SARS1: variants seen among roughly 807,000 people sequenced by gnomAD.
SARS1 encodes the protein seryl-tRNA synthetase 1, also known as serine--tRNA ligase, cytoplasmic.
SARS1 carries 25 observed loss-of-function variants against 63.7 expected under a neutral mutation model. The ratio of observed to expected loss-of-function variants is 0.39; its 90% CI spans 0.29 to 0.55. SARS1 has a LOEUF of 0.55. Among genes scored for constraint, SARS1 ranks in the 20% least tolerant of loss-of-function variants. SARS1 has a pLI of 0.62. For synonymous variants in SARS1, 231 were observed against 243.5 expected, an observed-to-expected ratio of 0.95 and a Z score of 0.48; for missense variants, 417 against 649.7, an observed-to-expected ratio of 0.64 and a Z score of 3.89.
chr1:109,219,289 A>ATATATATATATATATATATT (rs71069665), intron 1 of SARS1, among the ~76,000 whole-genome samples: 1 of 122,518 alleles, frequency 8.2e-6, no homozygotes, highest in Non-Finnish European at 1.7e-5. Flanking sequence ...ATATATATAT[A>ATATATATATATATATATATT]GTGTACATAT....
chr1:109,231,093 T>C, intron 5 of SARS1, 72 bp downstream of exon 5: 9 of 980,246 alleles, frequency 9.2e-6, no homozygotes, highest in South Asian at 5.2e-5. Flanking sequence ...ATTTTTTTTT[T>C]TTTTTGTAGA....
At chr1:109,234,925 C>T (rs1655278817) in intron 6 of SARS1, among the ~76,000 whole-genome samples, 1 of 152,176 alleles carries the variant, frequency 6.6e-6, no homozygotes, top group South Asian at 2.1e-4. Flanking sequence ...GAGATTGTGC[C>T]ACTGCACTCC....
At chr1:109,230,735 G>T in intron 4 of SARS1, 143 bp from the exon 5 acceptor site, 1 of 577,728 alleles carries the variant, frequency 1.7e-6, no homozygotes, top group Non-Finnish European at 2.8e-6. Flanking sequence ...AGCCTGGAAG[G>T]TTGAGGCTGC....
At position 109,237,369 on chromosome 1, in the gene SARS1, G is replaced by A. The variant is rs765322553; in HGVS notation, c.1383G>A (p.Pro461=). ...TVPEKLKEFM[P]PGLQELIPFV... ...CTGAGAAATTGAAGGAGTTCATGCC[G>A]CCAGGTAAAACTCCCAGCTCATCTC... The change falls in exon 10 of 11, where the codon CCG becomes CCA. Residue 461 remains proline (P), a synonymous_variant. Transcript: ENST00000234677. This position sits in a 1 kb window ranked among gnomAD's most constrained non-coding sequence, Gnocchi z 4.1. The A allele has an allele frequency of 1.1e-5, 18 of 1,614,060 alleles. No homozygotes were observed. The highest frequency in any genetic ancestry group is 1.4e-5 in the Non-Finnish European group (17 of 1,180,032).
At chr1:109,229,657 C>A in intron 4 of SARS1, 85 bp downstream of exon 4, 2 of 1,349,670 alleles carry the variant, frequency 1.5e-6, no homozygotes, top group East Asian at 2.3e-5. Flanking sequence ...CTGTGGAACA[C>A]TGGCATTGTC....
chr1:109,220,415 T>C (rs766154128), intron 1 of SARS1, among the ~76,000 whole-genome samples: 131 of 152,368 alleles, frequency 8.6e-4, no homozygotes, highest in Non-Finnish European at 1.5e-3. Flanking sequence ...GCCATTCTGG[T>C]AGATATATAG....
intron 6 of SARS1, among the ~76,000 whole-genome samples, chr1:109,234,671 A>G (rs1204243120): frequency 6.6e-6 from 1 of 152,166 alleles, no homozygotes. Context: ...TCTGTATTAG[A>G]TAAGTGGAAA....
rs1028855075 is a variant in SARS1 at position 109,213,941 on chromosome 1, G to C, written c.-52G>C. The C allele has an allele frequency of 3.7e-5, 58 of 1,560,060 alleles. No homozygotes were observed. Among genetic ancestry groups the C allele is most frequent in the Non-Finnish European group, 2.0e-5 (23 of 1,150,524 alleles). On this transcript the variant is annotated 5_prime_UTR_variant, in exon 1 of 11. Coordinates refer to ENST00000234677, the MANE Select transcript of SARS1 (RefSeq NM_006513.4). ...GCGCAGTGCGGCGGTCACAGGCTGA[G>C]TGCTGCGGCGCGATCCTTGCTTCCC...
chr1:109,231,082 TA>T lies in SARS1; in HGVS notation c.591+62del, dbSNP rs200052301. The T allele has an allele frequency of 9.2e-3, 6,803 of 736,702 alleles. 1 individual carries two copies. The highest frequency in any genetic ancestry group is 0.01 in the Non-Finnish European group (5,850 of 581,726). The allele number at this position is 736,702 out of a possible 1,614,324, so 45.6% of individuals were successfully genotyped here. A position where few individuals can be genotyped will look rare whatever the true frequency, so the allele number is the denominator to read the frequency against. ...AAAAGAAACAAAATATATATATATATATTTTTTTTTTTTTTTGTAGAGAAAC... is the reference window on the plus strand; with the variant it reads ...AAAAGAAACAAAATATATATATATATTTTTTTTTTTTTTTTGTAGAGAAAC... On this transcript the variant is annotated intron_variant, in intron 5 of 10. Coordinates refer to ENST00000234677, the MANE Select transcript of SARS1 (RefSeq NM_006513.4).
chr1:109,219,886 T>A (rs1654891657), intron 1 of SARS1, among the ~76,000 whole-genome samples: 1 of 152,222 alleles, frequency 6.6e-6, no homozygotes, highest in Admixed American at 6.5e-5. Flanking sequence ...TTGGTTCTTT[T>A]CATTGCTATA....
In SARS1 at chr1:109,223,216, T is replaced by C. The variant is rs184019054; in HGVS notation, c.137-762T>C. 2.6e-5 allele frequency among the ~76,000 whole-genome samples: 4 copies of C among 152,352 alleles called. No individual in the cohort carries two copies. In the East Asian group the frequency reaches 5.8e-4, roughly 22 times the overall value. ...GAGACTAAATTATTCTCAAGGCTGCTAGATGAGCATTATATCAAAGTAAAA... is the reference window on the plus strand; with the variant it reads ...GAGACTAAATTATTCTCAAGGCTGCCAGATGAGCATTATATCAAAGTAAAA... On this transcript the variant is annotated intron_variant, in intron 1 of 10. Transcript: ENST00000234677.
In SARS1 at chr1:109,214,637, G is replaced by A; in HGVS notation, c.136+509G>A. 1.0e-6 allele frequency: 1 copy of A among 985,760 alleles called. No individual in the cohort carries two copies. Among genetic ancestry groups the A allele is most frequent in the South Asian group, 4.7e-5 (1 of 21,352 alleles). The allele number at this position is 985,760 out of a possible 1,614,324, so 61.1% of individuals were successfully genotyped here. On this transcript the variant is annotated intron_variant, in intron 1 of 10. Transcript: ENST00000234677. This position sits in a 1 kb window ranked among gnomAD's most constrained non-coding sequence, Gnocchi z 4.6. ...GAAGCATTTCGGGGCGTTGGAGGCC[G>A]CTCTTGGCCAAAATAAATGACCCTG...
intron 1 of SARS1, among the ~76,000 whole-genome samples, chr1:109,221,997 TATATATATATA>T (rs1557715382): frequency 0.046 from 798 of 17,384 alleles, 28 homozygotes; most frequent in East Asian, 0.067. Flanking sequence ...TATATATATA[TATATATATATA>T]TATTTTTTTT....
rs1032054758 is a variant in SARS1, at chr1:109,216,331, G to A, written c.136+2203G>A. 3.0e-6 allele frequency: 3 copies of A among 985,290 alleles called. No individual in the cohort carries two copies. The African/African-American group carries it at 5.2e-5, about 17-fold the overall frequency. 61.0% of individuals were successfully genotyped at this position (985,290 alleles called of 1,614,324 possible). On this transcript the variant is annotated intron_variant, in intron 1 of 10. Transcript: ENST00000234677. ...AATTTGTCTTCCTGTAGACTTACAA[G>A]GTACCACTAGGGTTCCTTTGGAGAA...
chr1:109,221,992 ATATATATATATATATATATTTTTTTTTTT>A (rs1654944170), intron 1 of SARS1, among the ~76,000 whole-genome samples: 7 of 35,098 alleles, frequency 2.0e-4, no homozygotes, highest in African/African-American at 1.6e-3. Context: ...ATATATATAT[ATATATATATATATATATATTTTTTTTTTT>A]TTTTTTTTTT....
Position 109,214,686 on chromosome 1 carries a change from C to T in SARS1, c.136+558C>T. On this transcript the variant is annotated intron_variant, in intron 1 of 10. Coordinates refer to ENST00000234677, the MANE Select transcript of SARS1 (RefSeq NM_006513.4). The surrounding 1 kb of genome is among the most constrained non-coding windows in gnomAD (Gnocchi z 4.6). Reference sequence around the variant, plus strand: ...TGAAGCTTTTCGGAAGGCCATCCCCCGACCTATGGGCATACCTTTAAGAAT... The same window carrying T: ...TGAAGCTTTTCGGAAGGCCATCCCCTGACCTATGGGCATACCTTTAAGAAT... 3 of 985,630 alleles carry T rather than the reference C, an allele frequency of 3.0e-6. No individual in the cohort carries two copies. Among genetic ancestry groups the T allele is most frequent in the Non-Finnish European group, 3.6e-6 (3 of 830,048 alleles). The allele number at this position is 985,630 out of a possible 1,614,324, so 61.1% of individuals were successfully genotyped here.
chr1:109,237,019 C>A lies in SARS1; in HGVS notation c.1258-225C>A. 1 of 1,270,506 alleles carries A rather than the reference C, an allele frequency of 7.9e-7. No individual in the cohort carries two copies. The highest frequency in any genetic ancestry group is 1.1e-6 in the Non-Finnish European group (1 of 938,596). 78.7% of individuals were successfully genotyped at this position (1,270,506 alleles called of 1,614,324 possible). A position where few individuals can be genotyped will look rare whatever the true frequency, so the allele number is the denominator to read the frequency against. ...CCAACTCTCAGAATACCAGAAGCTA[C>A]CACTTGTCACTCATCGAAACATGAG... On this transcript the variant is annotated intron_variant, in intron 9 of 10. Transcript: ENST00000234677. This position sits in a 1 kb window ranked among gnomAD's most constrained non-coding sequence, Gnocchi z 4.1.
rs539436405 is a variant in SARS1 at position 109,235,042 on chromosome 1, T to A, written c.748-168T>A. Among the ~76,000 whole-genome samples the A allele has an allele frequency of 3.3e-5, 5 of 152,318 alleles. No individual in the cohort carries two copies. The South Asian group carries it at 8.3e-4, about 25-fold the overall frequency. ...TCTTTGATCTCTGTCAGGGACCCCATTTTGGACTGACCCATTCCTTTATCT... is the reference window on the plus strand; with the variant it reads ...TCTTTGATCTCTGTCAGGGACCCCAATTTGGACTGACCCATTCCTTTATCT... On this transcript the variant is annotated intron_variant, in intron 6 of 10. Transcript: ENST00000234677. This position sits in a 1 kb window ranked among gnomAD's most constrained non-coding sequence, Gnocchi z 4.7.
intron 2 of SARS1, among the ~76,000 whole-genome samples, chr1:109,225,379 G>T (rs1404729319): frequency 6.6e-6 from 1 of 152,060 alleles, no homozygotes; most frequent in Non-Finnish European, 1.5e-5. Flanking sequence ...GTTTCTTTCT[G>T]TGGGACTTAG....
Sources: gnomAD v4.1 joint callset for allele counts (sites outside exome capture counted in the v4.1 genomes callset) on GRCh38, gnomAD v4.1.1 for gene constraint, Gnocchi (gnomAD v3.1) non-coding constraint, MANE v1.5 for transcripts, NCBI Gene and HGNC (gene_info 2026-07-23, HGNC 2026-07-21) for gene names.